EEA1: variants seen among roughly 807,000 people sequenced by gnomAD.
EEA1 encodes early endosome antigen 1, 162kD.
In EEA1, 111 loss-of-function variants were observed where a neutral mutation model predicts 209.2. The observed-to-expected ratio is 0.53, with a 90% CI of 0.45 to 0.62. The LOEUF is 0.62. Among genes scored for constraint, EEA1 ranks in the 20% least tolerant of loss-of-function variants. The pLI, the probability that EEA1 is intolerant of heterozygous loss-of-function variation, is 0.00. For synonymous variants in EEA1, 536 were observed against 540.6 expected, an observed-to-expected ratio of 0.99 and a Z score of 0.12; for missense variants, 1,343 against 1,530.8, an observed-to-expected ratio of 0.88 and a Z score of 2.05.
chr12:92,908,388 A>G (rs1230730162), intron 1 of EEA1, among the ~76,000 whole-genome samples: 1 of 152,220 alleles, frequency 6.6e-6, no homozygotes, highest in Non-Finnish European at 1.5e-5. Context: ...TTGTACAACA[A>G]CGTGAATACA....
chr12:92,822,277 A>T (rs969754974), intron 13 of EEA1, among the ~76,000 whole-genome samples: 1 of 152,072 alleles, frequency 6.6e-6, no homozygotes, highest in Non-Finnish European at 1.5e-5. Context: ...CCCATGACAC[A>T]TCCCTCTCCA....
intron 1 of EEA1, among the ~76,000 whole-genome samples, chr12:92,912,193 T>A (rs1880605515): frequency 6.6e-6 from 1 of 152,190 alleles, no homozygotes; most frequent in African/African-American, 2.4e-5. Flanking sequence ...GTCCCTTATT[T>A]ATATTTCCTC....
chr12:92,820,767 A>C, intron 13 of EEA1, among the ~76,000 whole-genome samples: 1 of 151,854 alleles, frequency 6.6e-6, no homozygotes, highest in African/African-American at 2.4e-5. Context: ...ATATATATAT[A>C]TATATATACA....
chr12:92,866,973 G>T (rs1028618238), intron 2 of EEA1, among the ~76,000 whole-genome samples: 1 of 152,100 alleles, frequency 6.6e-6, no homozygotes, highest in African/African-American at 2.4e-5. Context: ...CGGATACTCA[G>T]TATCTCTTGT....
rs1877615996 is a variant in EEA1, at chr12:92,851,204, T to C, written c.705A>G (p.Thr235=). 2 of 1,613,868 alleles carry C rather than the reference T, an allele frequency of 1.2e-6. No individual in the cohort carries two copies. The highest frequency in any genetic ancestry group is 1.7e-6 in the Non-Finnish European group (2 of 1,179,910). ...GTTCCAAGGTCATGTTATCCATTAG[T>C]GTTTGAACTTGGACCAGTTCTTTCT... ...VLKKELVQVQ[T]LMDNMTLERE... Residue 235 remains threonine (T), a synonymous_variant, in exon 9 of 29, where the codon ACA becomes ACG. Coordinates refer to ENST00000322349, the MANE Select transcript of EEA1 (RefSeq NM_003566.4).
At chr12:92,776,508 T>C (rs1411946624) in intron 28 of EEA1, among the ~76,000 whole-genome samples, 1 of 151,904 alleles carries the variant, frequency 6.6e-6, no homozygotes, top group East Asian at 1.9e-4. Context: ...ACAATGGTAG[T>C]ATTTAGAATA....
chr12:92,878,212 G>T (rs959955041), intron 2 of EEA1, among the ~76,000 whole-genome samples: 2 of 152,078 alleles, frequency 1.3e-5, no homozygotes, highest in African/African-American at 4.8e-5. Context: ...ACCAGCTGGG[G>T]CAACATAGCA....
At position 92,889,492 on chromosome 12, in the gene EEA1, G is replaced by A. The variant is rs79960184; in HGVS notation, c.117+2137C>T. Among the ~76,000 whole-genome samples the A allele has an allele frequency of 2.7e-3, 406 of 150,586 alleles. 3 individuals carry two copies. Among genetic ancestry groups the A allele is most frequent in the African/African-American group, 9.4e-3 (384 of 41,046 alleles). ...CCAAAATAATTCAAAGGGGTTTAGC[G>A]GTTTTCCCAGTTAAAAGACAAGTGT... On this transcript the variant is annotated intron_variant, in intron 2 of 28. Transcript: ENST00000322349.
chr12:92,822,181 C>T (rs956174326), intron 13 of EEA1, among the ~76,000 whole-genome samples: 1 of 152,034 alleles, frequency 6.6e-6, no homozygotes, highest in Non-Finnish European at 1.5e-5. Flanking sequence ...GCCTCTCCCC[C>T]AATATCCTTA....
Position 92,822,938 on chromosome 12 carries a change from T to C in EEA1, c.1524+3228A>G, listed in dbSNP as rs1030067819. ...CAGCTGATGACACCTCCACTTACCA[T>C]GCATCCACCGCTACCAACCTGGAAG... On this transcript the variant is annotated intron_variant, in intron 13 of 28. Transcript: ENST00000322349. Among the ~76,000 whole-genome samples, 9 of 152,134 alleles carry C rather than the reference T, an allele frequency of 5.9e-5. No homozygotes were observed. The East Asian group carries it at 9.6e-4, about 16-fold the overall frequency.
Position 92,929,258 on chromosome 12 carries a change from A to C in EEA1, c.-192T>G. 2.6e-6 allele frequency: 1 copy of C among 390,434 alleles called. No homozygotes were observed. The highest frequency in any genetic ancestry group is 3.2e-5 in the South Asian group (1 of 31,588). 24.2% of individuals were successfully genotyped at this position (390,434 alleles called of 1,614,324 possible). A position where few individuals can be genotyped will look rare whatever the true frequency, so the allele number is the denominator to read the frequency against. On this transcript the variant is annotated 5_prime_UTR_variant, in exon 1 of 29. Coordinates refer to ENST00000322349, the MANE Select transcript of EEA1 (RefSeq NM_003566.4). The stretch of plus-strand genomic sequence containing the variant: ...GGCGGCGAGAGGGAGCACGCGAGAG[A>C]GAGCGAGCGAACGACTAGGCAGCCT...
chr12:92,800,845 A>T (rs957519978), intron 20 of EEA1, among the ~76,000 whole-genome samples: 1 of 152,230 alleles, frequency 6.6e-6, no homozygotes, highest in Non-Finnish European at 1.5e-5. Flanking sequence ...TTGATTCAGA[A>T]CTTGGGCATG....
intron 21 of EEA1, among the ~76,000 whole-genome samples, chr12:92,794,326 T>C (rs1308355996): frequency 6.6e-6 from 1 of 152,192 alleles, no homozygotes; most frequent in East Asian, 1.9e-4. Context: ...GTGTGGCGAT[T>C]CCTCAAGGAT....
chr12:92,902,263 A>G (rs1474179693), intron 1 of EEA1, among the ~76,000 whole-genome samples: 1 of 152,198 alleles, frequency 6.6e-6, no homozygotes, highest in African/African-American at 2.4e-5. Context: ...CAATGGACCA[A>G]AAATAAAATG....
chr12:92,777,982 C>T lies in EEA1; in HGVS notation c.3852G>A (p.Thr1284=), dbSNP rs747238685. 2.9e-5 allele frequency: 46 copies of T among 1,613,112 alleles called. 1 individual carries two copies. Among genetic ancestry groups the T allele is most frequent in the Middle Eastern group, 3.3e-4 (2 of 6,078 alleles). Residue 1284 remains threonine, a synonymous_variant, in exon 26 of 29, where the codon ACG becomes ACA. Transcript: ENST00000322349. ...LRGEIAVLEA[T]VQNNQDERRA... The stretch of plus-strand genomic sequence containing the variant: ...TCCTTTCATCTTGATTATTCTGAAC[C>T]GTTGCTTCTAATACTGCAATTTCAC...
intron 9 of EEA1, among the ~76,000 whole-genome samples, chr12:92,845,734 T>C (rs545159203): frequency 6.6e-6 from 1 of 152,320 alleles, no homozygotes; most frequent in Admixed American, 6.5e-5. Context: ...TTCAGTGTAC[T>C]TGTACAGTCT....
At chr12:92,790,571 C>T (rs575524282) in intron 21 of EEA1, among the ~76,000 whole-genome samples, 2 of 151,602 alleles carry the variant, frequency 1.3e-5, no homozygotes, top group South Asian at 4.2e-4. Context: ...AGCAAGAAGA[C>T]AAGGTTAGAG....
intron 18 of EEA1, among the ~76,000 whole-genome samples, chr12:92,806,366 C>T (rs1204221669): frequency 6.6e-6 from 1 of 151,926 alleles, no homozygotes; most frequent in East Asian, 1.9e-4. Context: ...GAACAACTGC[C>T]AATAAACTTG....
At chr12:92,892,372 G>A (rs894574106) in intron 1 of EEA1, among the ~76,000 whole-genome samples, 1 of 151,742 alleles carries the variant, frequency 6.6e-6, no homozygotes, top group African/African-American at 2.4e-5. Flanking sequence ...GGTTACAGGT[G>A]TGAGCCATAA....
Sources: gnomAD v4.1 joint callset for allele counts (sites outside exome capture counted in the v4.1 genomes callset) on GRCh38, gnomAD v4.1.1 for gene constraint, MANE v1.5 for transcripts, NCBI Gene and HGNC (gene_info 2026-07-23, HGNC 2026-07-21) for gene names.